The following FBN2 variants were observed in gnomAD, a reference collection of about 807,000 sequenced individuals.
FBN2 encodes fibrillin-2.
A neutral mutation model predicts 355.6 loss-of-function variants in FBN2; 105 were observed. That is an observed-to-expected ratio of 0.30 (90% CI 0.25 to 0.35). The LOEUF is 0.35. Among genes scored for constraint, FBN2 ranks in the 10% least tolerant of loss-of-function variants. FBN2 has a pLI of 1.00. For missense variants in FBN2, 3,280 were observed against 3,758.7 expected (o/e 0.87, Z 3.33); for synonymous variants, 1,350 against 1,301.2 (o/e 1.04, Z -0.81).
chr5:128,381,114 T>C (rs976955478), intron 11 of FBN2, among the ~76,000 whole-genome samples: 10 of 152,098 alleles, frequency 6.6e-5, no homozygotes, highest in African/African-American at 1.7e-4. Context: ...TGTAGCCCAA[T>C]AGAAATTTAA....
At chr5:128,284,307 C>T (rs775756050) in intron 55 of FBN2, among the ~76,000 whole-genome samples, 1 of 152,088 alleles carries the variant, frequency 6.6e-6, no homozygotes, top group Non-Finnish European at 1.5e-5. Flanking sequence ...GCCAACTTGC[C>T]CAGGGTCACA....
At chr5:128,369,671 A>G (rs1751879790) in intron 15 of FBN2, among the ~76,000 whole-genome samples, 1 of 152,188 alleles carries the variant, frequency 6.6e-6, no homozygotes. Flanking sequence ...ATCACTGGCT[A>G]TGCTATATTC....
chr5:128,396,712 A>G (rs1338017063), intron 8 of FBN2, among the ~76,000 whole-genome samples: 1 of 152,270 alleles, frequency 6.6e-6, no homozygotes, highest in Non-Finnish European at 1.5e-5. Context: ...TTTATGGGTT[A>G]TAACTGAAAC....
rs56097310 is a variant in FBN2, at chr5:128,291,832, C to T, written c.6167-178G>A. The stretch of plus-strand genomic sequence containing the variant: ...AGAAGTCAAAAGTTGTAATTTCAAC[C>T]AACCATGTGCCAGAGAGTCCCAAGT... On this transcript the variant is annotated intron_variant, in intron 48 of 64. Coordinates refer to ENST00000262464, the MANE Select transcript of FBN2 (RefSeq NM_001999.4). 5.8e-3 allele frequency among the ~76,000 whole-genome samples: 876 copies of T among 152,166 alleles called. 4 individuals carry two copies. Among genetic ancestry groups the T allele is most frequent in the Middle Eastern group, 0.01 (3 of 294 alleles).
At chr5:128,334,538 T>C (rs934414381) in intron 31 of FBN2, among the ~76,000 whole-genome samples, 181 bp downstream of exon 31, 11 of 152,074 alleles carry the variant, frequency 7.2e-5, no homozygotes, top group African/African-American at 1.4e-4. Flanking sequence ...TCAGACAGCG[T>C]GCTACCACAG....
chr5:128,312,430 A>G lies in FBN2; in HGVS notation c.4879+204T>C, dbSNP rs572912869. Among the ~76,000 whole-genome samples, 63 of 152,326 alleles carry G rather than the reference A, an allele frequency of 4.1e-4. 1 individual carries two copies. The highest frequency in any genetic ancestry group is 1.0e-3 in the South Asian group (5 of 4,830). On this transcript the variant is annotated intron_variant, in intron 37 of 64. Coordinates refer to ENST00000262464, the MANE Select transcript of FBN2 (RefSeq NM_001999.4). ...TACAGTTAAAAATTATTTTTTTAAC[A>G]TATCATGATAAAACATAGGAAGAGA...
At chr5:128,469,090 G>GA (rs997812252) in intron 5 of FBN2, among the ~76,000 whole-genome samples, 1 of 152,040 alleles carries the variant, frequency 6.6e-6, no homozygotes, top group South Asian at 2.1e-4. Flanking sequence ...ACAGTGAGGG[G>GA]AAAAAAGTGA....
chr5:128,275,208 A>G (rs751691260), intron 59 of FBN2, among the ~76,000 whole-genome samples: 3 of 152,206 alleles, frequency 2.0e-5, no homozygotes, highest in Non-Finnish European at 4.4e-5. Context: ...CTACTAATTA[A>G]AAACTCAAAA....
chr5:128,265,643 A>G (rs1446740080), intron 62 of FBN2, among the ~76,000 whole-genome samples: 3 of 152,200 alleles, frequency 2.0e-5, no homozygotes, highest in Non-Finnish European at 2.9e-5. Context: ...ACATATTTCC[A>G]ATTTTGAATA....
At chr5:128,262,319 A>G (rs1261020425) in intron 63 of FBN2, among the ~76,000 whole-genome samples, 1 of 152,186 alleles carries the variant, frequency 6.6e-6, no homozygotes, top group African/African-American at 2.4e-5. Flanking sequence ...TCGGACTCCC[A>G]AAGTACTGGG....
At chr5:128,272,192 C>A (rs757004950) in intron 61 of FBN2, 74 bp from the exon 62 acceptor site, 5 of 1,529,240 alleles carry the variant, frequency 3.3e-6, no homozygotes, top group East Asian at 2.3e-5. Flanking sequence ...CAAACGAAAC[C>A]TGGGGTAACT....
At chr5:128,433,904 AACTC>A (rs1390778334) in intron 7 of FBN2, among the ~76,000 whole-genome samples, 1 of 152,178 alleles carries the variant, frequency 6.6e-6, no homozygotes, top group East Asian at 1.9e-4. Flanking sequence ...AAAACATAGC[AACTC>A]ACTCAGTATC....
intron 20 of FBN2, among the ~76,000 whole-genome samples, chr5:128,354,934 T>A (rs757067736): frequency 7.2e-5 from 11 of 152,154 alleles, no homozygotes; most frequent in Non-Finnish European, 1.6e-4. Context: ...AATTTCATTA[T>A]CAACTAGAGT....
intron 36 of FBN2, among the ~76,000 whole-genome samples, chr5:128,316,441 A>G (rs1196172927): frequency 6.6e-6 from 1 of 152,234 alleles, no homozygotes; most frequent in Admixed American, 6.5e-5. Context: ...TTGAGATAGA[A>G]TAAGTCCTTG....
intron 48 of FBN2, among the ~76,000 whole-genome samples, chr5:128,292,282 A>G (rs932144671): frequency 2.0e-5 from 3 of 152,102 alleles, no homozygotes; most frequent in Admixed American, 6.6e-5. Context: ...CAGTGTTATC[A>G]TTTCCCCCTT....
chr5:128,334,135 G>C lies in FBN2; in HGVS notation c.4099+584C>G, dbSNP rs538451915. ...AGTTAGTAGTAGTAGTAGAGAAAGG[G>C]AACAAAAGACAAAGTGAGCAAAGTG... On this transcript the variant is annotated intron_variant, in intron 31 of 64. Transcript: ENST00000262464. 1.2e-4 allele frequency among the ~76,000 whole-genome samples: 19 copies of C among 152,068 alleles called. No individual in the cohort carries two copies. In the South Asian group the frequency reaches 3.7e-3, roughly 30 times the overall value.
intron 7 of FBN2, among the ~76,000 whole-genome samples, chr5:128,443,100 TAGCTAAAA>T (rs990942987): frequency 3.3e-5 from 5 of 152,214 alleles, no homozygotes; most frequent in African/African-American, 1.2e-4. Context: ...TTCTTTCTTT[TAGCTAAAA>T]AGCAAAGGTC....
chr5:128,477,971 T>C (rs930038761), intron 5 of FBN2, among the ~76,000 whole-genome samples: 1 of 152,236 alleles, frequency 6.6e-6, no homozygotes, highest in Non-Finnish European at 1.5e-5. Context: ...GCCACTTTGA[T>C]ATAACCTCTA....
intron 50 of FBN2, 103 bp downstream of exon 50, chr5:128,290,629 A>T: frequency 1.5e-5 from 17 of 1,122,142 alleles, no homozygotes; most frequent in Non-Finnish European, 2.3e-5. Flanking sequence ...CAAGGAGATG[A>T]TTTCACTCTC....
Sources: gnomAD v4.1 joint callset for allele counts (sites outside exome capture counted in the v4.1 genomes callset) on GRCh38, gnomAD v4.1.1 for gene constraint, MANE v1.5 for transcripts, NCBI Gene and HGNC (gene_info 2026-07-23, HGNC 2026-07-21) for gene names.